PPHLN1: variants seen among roughly 807,000 people sequenced by gnomAD.
The protein encoded by PPHLN1 is periphilin 1, also known as periphilin-1.
A neutral mutation model predicts 51.3 loss-of-function variants in PPHLN1; 29 were observed. That is an observed-to-expected ratio of 0.57 (90% CI 0.42 to 0.77). The LOEUF is 0.77. Ranked by LOEUF, PPHLN1 falls within the 30% of genes least tolerant of loss-of-function variation. The pLI is 0.00. For synonymous variants in PPHLN1, 147 were observed against 147.8 expected, an observed-to-expected ratio of 0.99 and a Z score of 0.04; for missense variants, 436 against 438.4, an observed-to-expected ratio of 0.99 and a Z score of 0.05.
intron 4 of PPHLN1, chr12:42,359,308 TGTG>T (rs1211413452): frequency 5.3e-5 from 8 of 152,244 alleles, no homozygotes; most frequent in Non-Finnish European, 1.2e-4. Flanking sequence ...AAATATTTCT[TGTG>T]GTATCTAATA....
intron 9 of PPHLN1, among the ~76,000 whole-genome samples, chr12:42,426,228 A>ACACACACCCCCC (rs371819974): frequency 8.5e-5 from 11 of 129,786 alleles, no homozygotes; most frequent in African/African-American, 3.6e-4. Context: ...ACACACACAC[A>ACACACACCCCCC]CCCTCATGCA....
rs553148173 is a variant in PPHLN1, at chr12:42,409,229, A to G, written c.909+10235A>G. 4.5e-4 allele frequency among the ~76,000 whole-genome samples: 68 copies of G among 152,246 alleles called. 1 individual carries two copies. The highest frequency in any genetic ancestry group is 6.8e-3 in the Middle Eastern group (2 of 294). Reference sequence around the variant, plus strand: ...ACTGTATAGTCTTTGTGAGTGGATTAAAATTTACTTCATTAAAACCAAAAA... The same window carrying G: ...ACTGTATAGTCTTTGTGAGTGGATTGAAATTTACTTCATTAAAACCAAAAA... On this transcript the variant is annotated intron_variant, in intron 9 of 9. Coordinates refer to ENST00000358314, the MANE Select transcript of PPHLN1 (RefSeq NM_201439.2).
chr12:42,363,424 A>G (rs911506685), intron 4 of PPHLN1, among the ~76,000 whole-genome samples: 5 of 151,038 alleles, frequency 3.3e-5, no homozygotes, highest in Non-Finnish European at 7.4e-5. Flanking sequence ...TATTACTGGC[A>G]GTGGAACTTT....
chr12:42,410,725 T>G (rs2079735706), intron 9 of PPHLN1, among the ~76,000 whole-genome samples: 1 of 152,230 alleles, frequency 6.6e-6, no homozygotes, highest in Non-Finnish European at 1.5e-5. Flanking sequence ...TTCATTCATT[T>G]GGATGCAAAA....
downstream of PPHLN1, chr12:42,444,986 T>A (rs960477202): frequency 2.9e-6 from 2 of 692,238 alleles, no homozygotes; most frequent in Middle Eastern, 2.3e-4. Flanking sequence ...CCCTAGAAAC[T>A]TTTTCTGTTC....
chr12:42,367,836 G>A (rs906898632), intron 4 of PPHLN1, among the ~76,000 whole-genome samples: 4 of 152,154 alleles, frequency 2.6e-5, no homozygotes, highest in African/African-American at 9.7e-5. Context: ...CTGGATTCAA[G>A]CCATTCTCCT....
intron 9 of PPHLN1, among the ~76,000 whole-genome samples, chr12:42,425,429 C>T (rs145751700): frequency 6.7e-6 from 1 of 149,084 alleles, no homozygotes; most frequent in African/African-American, 2.5e-5. Context: ...CTCTGTCGCC[C>T]AGGCTGGAGT....
At chr12:42,446,160 A>G, downstream of PPHLN1, 1 of 1,604,292 alleles carries the variant, frequency 6.2e-7, no homozygotes, top group Non-Finnish European at 8.5e-7. Flanking sequence ...GGAGCCCCAG[A>G]CATTACCTGG....
intron 4 of PPHLN1, chr12:42,374,526 G>A (rs551896621): frequency 1.0e-3 from 191 of 188,162 alleles, no homozygotes; most frequent in Non-Finnish European, 1.8e-3. Flanking sequence ...TGCAAGCTCC[G>A]CCTCCCAGGT....
intron 9 of PPHLN1, among the ~76,000 whole-genome samples, chr12:42,415,933 G>A (rs946271422): frequency 3.9e-5 from 6 of 152,152 alleles, no homozygotes; most frequent in Non-Finnish European, 8.8e-5. Flanking sequence ...CTTAAACTGA[G>A]ATTTAAAAAT....
At chr12:42,338,543 CT>C (rs966642392) in intron 2 of PPHLN1, among the ~76,000 whole-genome samples, 79 of 152,194 alleles carry the variant, frequency 5.2e-4, no homozygotes, top group African/African-American at 1.7e-3. Flanking sequence ...TTAGGAAAGG[CT>C]TTGGTATGGT....
At chr12:42,435,561 T>C (rs932882193) in intron 9 of PPHLN1, among the ~76,000 whole-genome samples, 3 of 152,240 alleles carry the variant, frequency 2.0e-5, no homozygotes, top group Admixed American at 1.3e-4. Flanking sequence ...TTATCTCCAG[T>C]ATTTAATATC....
intron 3 of PPHLN1, 96 bp downstream of exon 3, chr12:42,352,145 A>G: frequency 9.0e-6 from 10 of 1,108,168 alleles, no homozygotes; most frequent in Non-Finnish European, 1.2e-5. Flanking sequence ...AAGCAGTTGA[A>G]TAAACACTTT....
At chr12:42,380,705 T>G (rs569740967) in intron 5 of PPHLN1, among the ~76,000 whole-genome samples, 1 of 152,154 alleles carries the variant, frequency 6.6e-6, no homozygotes, top group African/African-American at 2.4e-5. Flanking sequence ...GTTCTGCTTT[T>G]AGGTGAAGGC....
chr12:42,369,411 A>T (rs2075588138), intron 4 of PPHLN1, among the ~76,000 whole-genome samples: 1 of 152,168 alleles, frequency 6.6e-6, no homozygotes, highest in Non-Finnish European at 1.5e-5. Flanking sequence ...AATGACATAC[A>T]ACTATCAGGC....
rs2079018136 is a variant in PPHLN1 at position 42,403,486 on chromosome 12, T to G, written c.909+4492T>G. The stretch of plus-strand genomic sequence containing the variant: ...GAAGTAAAAGTATAAAGTTTTTATT[T>G]TAAGAGAATCTAAAAGCTATCTCTA... On this transcript the variant is annotated intron_variant, in intron 9 of 9. Coordinates refer to ENST00000358314, the MANE Select transcript of PPHLN1 (RefSeq NM_201439.2). Among the ~76,000 whole-genome samples the G allele has an allele frequency of 2.0e-5, 3 of 152,252 alleles. No individual in the cohort carries two copies. In the South Asian group the frequency reaches 6.2e-4, roughly 31 times the overall value.
intron 9 of PPHLN1, among the ~76,000 whole-genome samples, chr12:42,416,174 C>T (rs1317663288): frequency 6.6e-6 from 1 of 152,134 alleles, no homozygotes; most frequent in African/African-American, 2.4e-5. Flanking sequence ...AATCTCGCCT[C>T]CTGTACAAAT....
intron 9 of PPHLN1, among the ~76,000 whole-genome samples, chr12:42,413,622 C>T (rs1302420539): frequency 2.0e-5 from 3 of 151,214 alleles, no homozygotes; most frequent in South Asian, 4.2e-4. Flanking sequence ...AGTGCAGTGG[C>T]GCCATCTCGG....
At chr12:42,396,648 A>AAAAAG (rs2078238824) in intron 8 of PPHLN1, among the ~76,000 whole-genome samples, 1 of 119,842 alleles carries the variant, frequency 8.3e-6, no homozygotes, top group Non-Finnish European at 1.7e-5. Flanking sequence ...AAAAAAAAAA[A>AAAAAG]GCTGGGTGTG....
Sources: gnomAD v4.1 joint callset for allele counts (sites outside exome capture counted in the v4.1 genomes callset) on GRCh38, gnomAD v4.1.1 for gene constraint, MANE v1.5 for transcripts, NCBI Gene and HGNC (gene_info 2026-07-23, HGNC 2026-07-21) for gene names.